TBC1D4: variants seen among roughly 807,000 people sequenced by gnomAD.
TBC1D4 encodes the protein TBC1 domain family member 4, also known as TBC (Tre-2, BUB2, CDC16) domain-containing protein.
A neutral mutation model predicts 142.5 loss-of-function variants in TBC1D4; 121 were observed. That is an observed-to-expected ratio of 0.85 (90% CI 0.73 to 0.99). The LOEUF is 0.99. Ranked by LOEUF, TBC1D4 falls within the 50% of genes least tolerant of loss-of-function variation. TBC1D4 has a pLI of 0.00. For synonymous variants in TBC1D4, 630 were observed against 628.2 expected, an observed-to-expected ratio of 1.00 and a Z score of -0.04; for missense variants, 1,475 against 1,606.6, an observed-to-expected ratio of 0.92 and a Z score of 1.40.
intron 8 of TBC1D4, among the ~76,000 whole-genome samples, chr13:75,332,661 T>G (rs1879852246): frequency 2.6e-5 from 4 of 152,206 alleles, no homozygotes; most frequent in Admixed American, 2.0e-4. Context: ...TTATAAATTT[T>G]GAAGGAAAAA....
At chr13:75,451,186 G>C (rs1259266349) in intron 1 of TBC1D4, among the ~76,000 whole-genome samples, 1 of 152,074 alleles carries the variant, frequency 6.6e-6, no homozygotes, top group Non-Finnish European at 1.5e-5. Flanking sequence ...CACTTAACTT[G>C]TTTGAGACTC....
At position 75,385,067 on chromosome 13, in the gene TBC1D4, C is replaced by A. The variant is rs963172627; in HGVS notation, c.499-22460G>T. Among the ~76,000 whole-genome samples the A allele has an allele frequency of 6.6e-5, 10 of 152,276 alleles. No homozygotes were observed. In the East Asian group the frequency reaches 1.7e-3, roughly 26 times the overall value. The stretch of plus-strand genomic sequence containing the variant: ...ACAAAGAGGAACAAAGCATAGACTG[C>A]TCACTGCTCAGCAGCCTGGGAGGCC... On this transcript the variant is annotated intron_variant, in intron 1 of 20. Transcript: ENST00000377636.
Position 75,337,626 on chromosome 13 carries a change from A to C in TBC1D4, c.1612-586T>G, listed in dbSNP as rs767374280. Among the ~76,000 whole-genome samples, 55 of 152,198 alleles carry C rather than the reference A, an allele frequency of 3.6e-4. 1 individual carries two copies. The highest frequency in any genetic ancestry group is 7.8e-4 in the Non-Finnish European group (53 of 68,038). On this transcript the variant is annotated intron_variant, in intron 7 of 20. Coordinates refer to ENST00000377636, the MANE Select transcript of TBC1D4 (RefSeq NM_014832.5). ...GAAGTAAGCAGCTACTATGTATATC[A>C]CATGGTCCTTAGTAGCAAAAAACTT... is the stretch of plus-strand genomic sequence containing the variant.
rs750232512 is a variant in TBC1D4, at chr13:75,326,301, G to A, written c.1929C>T (p.Phe643=). ...TCTTTGTGCTTGAAGGTGGGTGGCT[G>A]AACGTGTGTGCCCGTCTTCGAAACT... is the stretch of plus-strand genomic sequence containing the variant. The part of the protein sequence containing the change: ...SPQFRRRAHT[F]SHPPSSTKRK... Residue 643 remains phenylalanine, a synonymous_variant, in exon 10 of 21, where the codon TTC becomes TTT. Coordinates refer to ENST00000377636, the MANE Select transcript of TBC1D4 (RefSeq NM_014832.5). 1.2e-6 allele frequency: 2 copies of A among 1,614,154 alleles called. No homozygotes were observed. The highest frequency in any genetic ancestry group is 8.5e-7 in the Non-Finnish European group (1 of 1,180,038).
chr13:75,314,467 A>T (rs1226906713), intron 12 of TBC1D4, among the ~76,000 whole-genome samples: 1 of 152,158 alleles, frequency 6.6e-6, no homozygotes, highest in Non-Finnish European at 1.5e-5. Flanking sequence ...TCTAGTCTGG[A>T]TCTATTTTAT....
At chr13:75,393,235 G>A (rs1389129947) in intron 1 of TBC1D4, among the ~76,000 whole-genome samples, 2 of 151,144 alleles carry the variant, frequency 1.3e-5, no homozygotes, top group African/African-American at 4.9e-5. Context: ...TAAACAAGAG[G>A]TAGATAGTCA....
chr13:75,358,361 T>C (rs1016096938), intron 3 of TBC1D4, among the ~76,000 whole-genome samples: 17 of 152,244 alleles, frequency 1.1e-4, no homozygotes, highest in African/African-American at 3.1e-4. Context: ...TACTTTTCAG[T>C]TAAAATTTCT....
intron 4 of TBC1D4, among the ~76,000 whole-genome samples, chr13:75,354,780 G>A (rs1181032823): frequency 2.0e-5 from 3 of 152,096 alleles, no homozygotes; most frequent in Non-Finnish European, 2.9e-5. Flanking sequence ...TCTAGTGTTA[G>A]GTCATCGGTT....
chr13:75,410,541 A>C (rs920137755), intron 1 of TBC1D4, among the ~76,000 whole-genome samples: 1 of 152,218 alleles, frequency 6.6e-6, no homozygotes, highest in Non-Finnish European at 1.5e-5. Flanking sequence ...ACCACACTAC[A>C]TGATGTGCAG....
intron 1 of TBC1D4, among the ~76,000 whole-genome samples, chr13:75,438,198 T>C (rs950745111): frequency 1.3e-5 from 2 of 152,246 alleles, no homozygotes; most frequent in African/African-American, 4.8e-5. Flanking sequence ...CTTGTTCATA[T>C]ACCGTTAATT....
intron 1 of TBC1D4, among the ~76,000 whole-genome samples, chr13:75,383,740 T>G (rs962826368): frequency 6.6e-6 from 1 of 152,188 alleles, no homozygotes; most frequent in African/African-American, 2.4e-5. Context: ...TAGGGTTTGG[T>G]ACCATTCACA....
At chr13:75,390,845 A>G (rs910352921) in intron 1 of TBC1D4, among the ~76,000 whole-genome samples, 2 of 56,658 alleles carry the variant, frequency 3.5e-5, no homozygotes, top group African/African-American at 1.6e-4. Flanking sequence ...TAAGGAAGGA[A>G]GGGAGGGGAG....
chr13:75,382,637 G>A (rs1344965278), intron 1 of TBC1D4, among the ~76,000 whole-genome samples: 2 of 152,150 alleles, frequency 1.3e-5, no homozygotes, highest in Non-Finnish European at 2.9e-5. Flanking sequence ...GGAACAAACT[G>A]TATGTGAATT....
In TBC1D4 at chr13:75,286,809, T is replaced by A. The variant is rs774398726; in HGVS notation, c.3880A>T (p.Ile1294Leu). 6.2e-7 allele frequency: 1 copy of A among 1,613,820 alleles called. No homozygotes were observed. Among genetic ancestry groups the A allele is most frequent in the South Asian group, 1.1e-5 (1 of 91,078 alleles). ...CTCTTCAATTATGGCTTATTTCCTA[T>A]CTTGGCTTTGTTGTTAGGGTTGCAG... is the stretch of plus-strand genomic sequence containing the variant. ...LNCNPNNKAK[I>L]GNKP Residue 1294 changes from isoleucine to leucine, a missense_variant, in exon 21 of 21, where the codon ATA (isoleucine) becomes TTA (leucine). Around this residue, in one of 2 missense-constraint regions of TBC1D4, gnomAD observed 248 missense variants for 338.9 expected, o/e 0.73. Coordinates refer to ENST00000377636, the MANE Select transcript of TBC1D4 (RefSeq NM_014832.5).
chr13:75,446,897 C>T (rs1294610090), intron 1 of TBC1D4, among the ~76,000 whole-genome samples: 1 of 151,970 alleles, frequency 6.6e-6, no homozygotes, highest in African/African-American at 2.4e-5. Flanking sequence ...TTAAAATGTC[C>T]CATCAGCAGG....
chr13:75,420,314 C>T (rs118073930), intron 1 of TBC1D4, among the ~76,000 whole-genome samples: 18 of 152,270 alleles, frequency 1.2e-4, no homozygotes, highest in Non-Finnish European at 2.5e-4. Flanking sequence ...TAGCCTTCTA[C>T]CTACATGGCC....
chr13:75,481,203 C>CCCA, intron 1 of TBC1D4, 67 bp downstream of exon 1: 4 of 1,321,596 alleles, frequency 3.0e-6, no homozygotes, highest in Non-Finnish European at 4.2e-6. Context: ...GGTCCCCGCC[C>CCCA]CTCCCGCCCT....
intron 11 of TBC1D4, among the ~76,000 whole-genome samples, chr13:75,321,194 T>C (rs1194064442): frequency 6.6e-6 from 1 of 152,172 alleles, no homozygotes; most frequent in Non-Finnish European, 1.5e-5. Flanking sequence ...ACTATGAACC[T>C]TCTCCCCTCA....
intron 12 of TBC1D4, among the ~76,000 whole-genome samples, chr13:75,318,104 A>C (rs747281565): frequency 1.3e-5 from 2 of 152,252 alleles, no homozygotes; most frequent in African/African-American, 2.4e-5. Flanking sequence ...CTTTAAAAGA[A>C]TTCATTGACT....
Sources: gnomAD v4.1 joint callset for allele counts (sites outside exome capture counted in the v4.1 genomes callset) on GRCh38, gnomAD v4.1.1 for gene constraint, gnomAD v4.1.1 regional missense constraint, MANE v1.5 for transcripts, NCBI Gene and HGNC (gene_info 2026-07-23, HGNC 2026-07-21) for gene names.